Variants in EYA1 observed in about 807,000 individuals in gnomAD.
EYA1 encodes EYA transcriptional coactivator and phosphatase 1, also known as protein phosphatase EYA1.
Under a neutral mutation model 82.0 loss-of-function variants are expected in EYA1, and 16 were observed. The ratio of observed to expected loss-of-function variants is 0.20; its 90% confidence interval spans 0.13 to 0.30. EYA1 has a LOEUF of 0.30. Among genes scored for constraint, EYA1 ranks in the 10% least tolerant of loss-of-function variants. The probability of loss-of-function intolerance (pLI) is 1.00; values close to 1 mark genes in which losing one functional copy is unlikely to be tolerated. For synonymous variants in EYA1, 261 were observed against 264.4 expected, an observed-to-expected ratio of 0.99 and a Z score of 0.12; for missense variants, 633 against 730.7, an observed-to-expected ratio of 0.87 and a Z score of 1.54.
intron 4 of EYA1, among the ~76,000 whole-genome samples, chr8:71,327,853 CTTTTTT>C (rs71555578): frequency 9.1e-6 from 1 of 110,204 alleles, no homozygotes; most frequent in Non-Finnish European, 1.8e-5. Flanking sequence ...TCTTTAAGTT[CTTTTTT>C]TTTTTTTTTT....
At chr8:71,201,975 T>C (rs1807085809) in intron 17 of EYA1, among the ~76,000 whole-genome samples, 1 of 152,214 alleles carries the variant, frequency 6.6e-6, no homozygotes, top group Non-Finnish European at 1.5e-5. Context: ...TCTCAGAATG[T>C]AACAAAGGAT....
At chr8:71,305,643 T>A (rs1820645738) in intron 7 of EYA1, among the ~76,000 whole-genome samples, 1 of 111,954 alleles carries the variant, frequency 8.9e-6, no homozygotes, top group South Asian at 2.9e-4. Flanking sequence ...TGTAACTCTA[T>A]CTCAAATAAA....
intron 10 of EYA1, 125 bp from the exon 11 acceptor site, chr8:71,269,948 C>A: frequency 4.1e-6 from 3 of 739,542 alleles, no homozygotes; most frequent in South Asian, 1.5e-5. Flanking sequence ...TTTATTATTT[C>A]AAAAAAAACA....
intron 11 of EYA1, among the ~76,000 whole-genome samples, chr8:71,267,069 C>T (rs1335151105): frequency 2.0e-5 from 3 of 152,214 alleles, no homozygotes; most frequent in Non-Finnish European, 2.9e-5. Flanking sequence ...TTTTCTTCCA[C>T]TACCATTCAT....
chr8:71,254,455 G>T (rs988247952), intron 11 of EYA1, among the ~76,000 whole-genome samples: 1 of 152,040 alleles, frequency 6.6e-6, no homozygotes, highest in African/African-American at 2.4e-5. Flanking sequence ...TTTATAAAAA[G>T]GGATTGAGTG....
In EYA1 at chr8:71,203,508, T is replaced by C. The variant is rs528008595; in HGVS notation, c.1699-4088A>G. On this transcript the variant is annotated intron_variant, in intron 17 of 17. Transcript: ENST00000340726. ...AGCTGAATTTGAAGAATGGGTGAAGTTGGAGAGGTGGAAGGGAAGTGGATA... is the reference window on the plus strand; with the variant it reads ...AGCTGAATTTGAAGAATGGGTGAAGCTGGAGAGGTGGAAGGGAAGTGGATA... Among the ~76,000 whole-genome samples the C allele has an allele frequency of 8.6e-5, 13 of 151,842 alleles. No individual in the cohort carries two copies. In the South Asian group the frequency reaches 2.7e-3, roughly 32 times the overall value.
intron 3 of EYA1, among the ~76,000 whole-genome samples, chr8:71,343,949 A>T (rs985650534): frequency 2.3e-4 from 35 of 152,148 alleles, no homozygotes; most frequent in Non-Finnish European, 4.4e-5. Flanking sequence ...CACAGTGAAC[A>T]CCTATAAACC....
chr8:71,288,511 G>A (rs983786870), intron 9 of EYA1, among the ~76,000 whole-genome samples: 2 of 152,202 alleles, frequency 1.3e-5, no homozygotes, highest in African/African-American at 4.8e-5. Context: ...TCAGTAAGGT[G>A]AAGGTCTTCT....
intron 4 of EYA1, among the ~76,000 whole-genome samples, chr8:71,331,381 G>T (rs1823843693): frequency 6.6e-6 from 1 of 151,302 alleles, no homozygotes. Flanking sequence ...AACAGTGATA[G>T]TGATGCAATA....
At chr8:71,347,238 G>C (rs1639778910) in intron 3 of EYA1, among the ~76,000 whole-genome samples, 1 of 152,190 alleles carries the variant, frequency 6.6e-6, no homozygotes, top group African/African-American at 2.4e-5. Flanking sequence ...CTGCAACACA[G>C]TAACACATTG....
chr8:71,472,788 G>GAGAGATATAT (rs71555582), intron 2 of EYA1, among the ~76,000 whole-genome samples: 1 of 126,828 alleles, frequency 7.9e-6, no homozygotes, highest in Non-Finnish European at 1.6e-5. Flanking sequence ...TAGCTTTGAA[G>GAGAGATATAT]ATATATATAT....
At chr8:71,389,764 A>T (rs1265402238) in intron 2 of EYA1, among the ~76,000 whole-genome samples, 1 of 152,198 alleles carries the variant, frequency 6.6e-6, no homozygotes, top group Non-Finnish European at 1.5e-5. Flanking sequence ...AGTTACTAGC[A>T]GAGTTTTCTT....
At chr8:71,538,631 C>T (rs1384553022) in intron 1 of EYA1, among the ~76,000 whole-genome samples, 3 of 152,192 alleles carry the variant, frequency 2.0e-5, no homozygotes, top group African/African-American at 4.8e-5. Flanking sequence ...CAAAACTGTA[C>T]AGACCTACAT....
chr8:71,388,406 AAGGAGCACACAGTGCTCCTAAAC>A (rs1422351974), intron 2 of EYA1, among the ~76,000 whole-genome samples: 4 of 152,216 alleles, frequency 2.6e-5, no homozygotes, highest in Non-Finnish European at 5.9e-5. Flanking sequence ...AAAGAAAGCC[AAGGAGCACACAGTGCTCCTAAAC>A]AGTGAGGGTG....
intron 2 of EYA1, among the ~76,000 whole-genome samples, chr8:71,415,525 T>A (rs756450788): frequency 2.0e-5 from 3 of 152,192 alleles, no homozygotes; most frequent in Non-Finnish European, 4.4e-5. Flanking sequence ...GCTGCTCTGC[T>A]TCAGTCTGTC....
chr8:71,408,671 A>C (rs966782943), intron 2 of EYA1, among the ~76,000 whole-genome samples: 8 of 113,482 alleles, frequency 7.0e-5, no homozygotes, highest in African/African-American at 2.9e-4. Flanking sequence ...AAGAGGAGCT[A>C]ACTATCCTAA....
chr8:71,539,524 A>G (rs1286809736), intron 1 of EYA1, among the ~76,000 whole-genome samples: 1 of 152,178 alleles, frequency 6.6e-6, no homozygotes, highest in African/African-American at 2.4e-5. Flanking sequence ...CTCCCAGACA[A>G]CAAGGAAACA....
rs146687496 is a variant in EYA1, at chr8:71,271,840, A to G, written c.884T>C (p.Leu295Ser). The G allele has an allele frequency of 7.0e-5, 113 of 1,614,160 alleles. 1 individual carries two copies. In the African/African-American group the frequency reaches 1.3e-3, roughly 18 times the overall value. The stretch of plus-strand genomic sequence containing the variant: ...TGATTTCCCATCTGAACCTCGACGC[A>G]ATCGATCAGAATCTGAATCTTTAAT... ...TPIKDSDSDR[L>S]RRGSDGKSRG... is the part of the protein sequence containing the mutation. Residue 295 changes from leucine (L) to serine (S), a missense_variant, in exon 10 of 18, where the codon TTG becomes TCG. Leu to Ser is a moderately radical substitution (Grantham distance 145, BLOSUM62 -2). Transcript: ENST00000340726.
chr8:71,265,167 G>GC (rs574702894), intron 11 of EYA1, among the ~76,000 whole-genome samples: 1 of 150,748 alleles, frequency 6.6e-6, no homozygotes, highest in Non-Finnish European at 1.5e-5. Context: ...TTTTTGTTTT[G>GC]TTTTTTTTTG....
Sources: gnomAD v4.1 joint callset for allele counts (sites outside exome capture counted in the v4.1 genomes callset) on GRCh38, gnomAD v4.1.1 for gene constraint, MANE v1.5 for transcripts, NCBI Gene and HGNC (gene_info 2026-07-23, HGNC 2026-07-21) for gene names.